DLGAP4: variants seen among roughly 807,000 people sequenced by gnomAD.
The protein encoded by DLGAP4 is DLG associated protein 4, also known as disks large-associated protein 4.
Under a neutral mutation model 86.9 loss-of-function variants are expected in DLGAP4, and 18 were observed. The ratio of observed to expected loss-of-function variants is 0.21; its 90% CI spans 0.14 to 0.31. The LOEUF is 0.31. Ranked by LOEUF, DLGAP4 falls within the 10% of genes least tolerant of loss-of-function variation. The pLI, the probability that DLGAP4 is intolerant of heterozygous loss-of-function variation, is 1.00. For missense variants in DLGAP4, 1,085 were observed against 1,362.6 expected, an observed-to-expected ratio of 0.80 and a Z score of 3.21; for synonymous variants, 548 against 574.3, an observed-to-expected ratio of 0.95 and a Z score of 0.65.
At chr20:36,336,061 G>A (rs1438840230) in intron 1 of DLGAP4, among the ~76,000 whole-genome samples, 1 of 152,184 alleles carries the variant, frequency 6.6e-6, no homozygotes, top group Non-Finnish European at 1.5e-5. Context: ...TCCCTTTAGA[G>A]AGTTTGCCAA....
intron 10 of DLGAP4, among the ~76,000 whole-genome samples, chr20:36,506,565 C>G (rs1413571630): frequency 6.6e-6 from 1 of 152,200 alleles, no homozygotes; most frequent in Non-Finnish European, 1.5e-5. Flanking sequence ...ACCCAGGTGG[C>G]TGCCTGTATT....
chr20:36,504,928 T>C (rs1342737167), intron 10 of DLGAP4, among the ~76,000 whole-genome samples: 1 of 152,228 alleles, frequency 6.6e-6, no homozygotes, highest in Non-Finnish European at 1.5e-5. Context: ...TGCAGATACT[T>C]TCTCCCATTC....
intron 1 of DLGAP4, among the ~76,000 whole-genome samples, chr20:36,337,791 TG>T (rs2065337422): frequency 6.6e-6 from 1 of 152,170 alleles, no homozygotes; most frequent in African/African-American, 2.4e-5. Flanking sequence ...AGGCCTAGGC[TG>T]GTTGTTGCCT....
At chr20:36,462,347 C>T (rs1377999912) in intron 7 of DLGAP4, 4 of 1,372,840 alleles carry the variant, frequency 2.9e-6, no homozygotes, top group Non-Finnish European at 3.7e-6. Context: ...GCTTTGCTCT[C>T]CCTGCCCCTC....
chr20:36,329,143 C>T (rs2065244119), intron 1 of DLGAP4, among the ~76,000 whole-genome samples: 1 of 152,208 alleles, frequency 6.6e-6, no homozygotes. Context: ...CGCCTGACCT[C>T]AGGTGACCCA....
intron 1 of DLGAP4, among the ~76,000 whole-genome samples, chr20:36,328,718 T>C (rs2065239992): frequency 1.3e-5 from 2 of 152,006 alleles, no homozygotes; most frequent in African/African-American, 4.8e-5. Context: ...AACCTCCACC[T>C]CCTGGGTTCA....
chr20:36,497,432 GT>G, intron 8 of DLGAP4: 1 of 1,090,502 alleles, frequency 9.2e-7, no homozygotes, highest in South Asian at 2.9e-5. Context: ...TGGCCTAACA[GT>G]TCTCTAATCC....
intron 2 of DLGAP4, among the ~76,000 whole-genome samples, chr20:36,421,162 A>T (rs2032813320): frequency 6.6e-6 from 1 of 151,696 alleles, no homozygotes; most frequent in Non-Finnish European, 1.5e-5. Flanking sequence ...AATACTAATA[A>T]AGAAGACTAG....
At chr20:36,439,209 T>C (rs2033375806) in intron 4 of DLGAP4, among the ~76,000 whole-genome samples, 1 of 152,298 alleles carries the variant, frequency 6.6e-6, no homozygotes, top group African/African-American at 2.4e-5. Flanking sequence ...GCAGGTAGCA[T>C]CATCCCCATT....
intron 2 of DLGAP4, among the ~76,000 whole-genome samples, chr20:36,395,965 T>C (rs1030428705): frequency 8.5e-5 from 13 of 152,172 alleles, no homozygotes; most frequent in Non-Finnish European, 1.3e-4. Context: ...TCCCTGAGAC[T>C]GGCTGGGCTG....
At chr20:36,429,398 C>CTTTTTTTTTTTTTTTTTTT (rs151254062) in intron 2 of DLGAP4, among the ~76,000 whole-genome samples, 2 of 76,036 alleles carry the variant, frequency 2.6e-5, no homozygotes, top group African/African-American at 5.1e-5. Flanking sequence ...TTCTTTTTTT[C>CTTTTTTTTTTTTTTTTTTT]TTTTTTTTTT....
In DLGAP4 at chr20:36,323,287, C is replaced by A. The variant is rs2065187603; in HGVS notation, c.-304+16775C>A. Reference sequence around the variant, plus strand: ...CCCACCTCCCTTCCCCAGGGGCAACCAATATTCTGACTCCTAAAGCCATAG... The same window carrying A: ...CCCACCTCCCTTCCCCAGGGGCAACAAATATTCTGACTCCTAAAGCCATAG... On this transcript the variant is annotated intron_variant, in intron 1 of 12. Transcript: ENST00000339266. Among the ~76,000 whole-genome samples, 3 of 151,674 alleles carry A rather than the reference C, an allele frequency of 2.0e-5. No individual in the cohort carries two copies. The South Asian group carries it at 6.3e-4, about 32-fold the overall frequency.
intron 1 of DLGAP4, among the ~76,000 whole-genome samples, chr20:36,361,935 C>T (rs936644468): frequency 6.8e-5 from 10 of 147,876 alleles, no homozygotes; most frequent in African/African-American, 2.3e-4. Flanking sequence ...GCCAAGATTG[C>T]GCCACTGCAC....
chr20:36,340,109 C>T lies in DLGAP4; in HGVS notation c.-303-26936C>T, dbSNP rs78235618. ...GGGTTTGGGGGTTTTTTGTTTTCCCCTCTGTGGTAGAAGGAGGCCTAAGTT... is the reference window on the plus strand; with the variant it reads ...GGGTTTGGGGGTTTTTTGTTTTCCCTTCTGTGGTAGAAGGAGGCCTAAGTT... On this transcript the variant is annotated intron_variant, in intron 1 of 12. Transcript: ENST00000339266. Among the ~76,000 whole-genome samples, 1,347 of 152,228 alleles carry T rather than the reference C, an allele frequency of 8.8e-3. 20 individuals are homozygous for T. Among genetic ancestry groups the T allele is most frequent in the African/African-American group, 0.031 (1,286 of 41,522 alleles).
chr20:36,345,916 C>A (rs2029922248), intron 1 of DLGAP4, among the ~76,000 whole-genome samples: 1 of 152,152 alleles, frequency 6.6e-6, no homozygotes, highest in Non-Finnish European at 1.5e-5. Flanking sequence ...TACCACCACA[C>A]CAGGCTAACT....
At chr20:36,515,618 T>C (rs1569524784) in intron 10 of DLGAP4, among the ~76,000 whole-genome samples, 1 of 152,250 alleles carries the variant, frequency 6.6e-6, no homozygotes, top group Non-Finnish European at 1.5e-5. Flanking sequence ...AGAGATGGTC[T>C]CTCACTATGT....
intron 2 of DLGAP4, among the ~76,000 whole-genome samples, chr20:36,383,726 A>G (rs1448776890): frequency 6.6e-6 from 1 of 152,178 alleles, no homozygotes; most frequent in Non-Finnish European, 1.5e-5. Context: ...CTGTAATCCC[A>G]GCACTTTGGG....
rs1600562043 is a variant in DLGAP4, at chr20:36,460,010, A to G, written c.1648+13073A>G. On this transcript the variant is annotated intron_variant, in intron 7 of 12. Coordinates refer to ENST00000339266, the MANE Select transcript of DLGAP4 (RefSeq NM_001365621.2). Reference sequence around the variant, plus strand: ...GCCTTGGTCCAGTTTCTCTCCAGGAAACAGATAGGGCTGGTGAGTCCCAGA... The same window carrying G: ...GCCTTGGTCCAGTTTCTCTCCAGGAGACAGATAGGGCTGGTGAGTCCCAGA... Among the ~76,000 whole-genome samples the G allele has an allele frequency of 8.5e-5, 13 of 152,292 alleles. No homozygotes were observed. In the South Asian group the frequency reaches 2.7e-3, roughly 32 times the overall value.
chr20:36,462,722 A>C lies in DLGAP4; in HGVS notation c.1648+15785A>C, dbSNP rs537683862. On this transcript the variant is annotated intron_variant, in intron 7 of 12. Coordinates refer to ENST00000339266, the MANE Select transcript of DLGAP4 (RefSeq NM_001365621.2). ...GGGCAAGGGGGCTCTGAGGCCTCCC[A>C]CAAAGGGGGAAAGGAGGGAGGGGCC... The C allele has an allele frequency of 8.7e-4, 1,149 of 1,321,568 alleles. 2 individuals carry two copies. Among genetic ancestry groups the C allele is most frequent in the Admixed American group, 2.8e-3 (97 of 35,198 alleles). The allele number at this position is 1,321,568 out of a possible 1,614,324, so 81.9% of individuals were successfully genotyped here.
Sources: gnomAD v4.1 joint callset for allele counts (sites outside exome capture counted in the v4.1 genomes callset) on GRCh38, gnomAD v4.1.1 for gene constraint, MANE v1.5 for transcripts, NCBI Gene and HGNC (gene_info 2026-07-23, HGNC 2026-07-21) for gene names.